SMYD3: variants seen among roughly 807,000 people sequenced by gnomAD.
SMYD3 encodes SET and MYND domain containing 3.
Under a neutral mutation model 57.7 loss-of-function variants are expected in SMYD3, and 36 were observed. The ratio of observed to expected loss-of-function variants is 0.62; its 90% CI spans 0.48 to 0.82. SMYD3 has a LOEUF of 0.82. Among genes scored for constraint, SMYD3 ranks in the 40% least tolerant of loss-of-function variants. The pLI, the probability that SMYD3 is intolerant of heterozygous loss-of-function variation, is 0.00. For missense variants in SMYD3, 515 were observed against 538.8 expected (o/e 0.96, Z 0.44); for synonymous variants, 211 against 195.0 (o/e 1.08, Z -0.68).
At chr1:245,804,796 C>T (rs1212365148) in intron 10 of SMYD3, among the ~76,000 whole-genome samples, 3 of 152,160 alleles carry the variant, frequency 2.0e-5, no homozygotes, top group South Asian at 2.1e-4. Flanking sequence ...GAAGTTGGAG[C>T]GAGCAGCCCT....
At chr1:246,353,773 A>C (rs35903900) in intron 2 of SMYD3, among the ~76,000 whole-genome samples, 21,931 of 152,130 alleles carry the variant, frequency 0.14, 2,148 homozygotes, top group East Asian at 0.42. Flanking sequence ...CCTAATTCTC[A>C]CAAGACTCTT....
intron 8 of SMYD3, among the ~76,000 whole-genome samples, chr1:245,889,976 C>G (rs1426482930): frequency 6.6e-6 from 1 of 152,102 alleles, no homozygotes; most frequent in Non-Finnish European, 1.5e-5. Context: ...GTGCCAAGAA[C>G]ATACACTGGG....
At chr1:246,485,355 G>T (rs1338426404) in intron 1 of SMYD3, among the ~76,000 whole-genome samples, 1 of 152,158 alleles carries the variant, frequency 6.6e-6, no homozygotes, top group Non-Finnish European at 1.5e-5. Flanking sequence ...GAGTTTTATA[G>T]ATAAAATCCT....
At chr1:246,397,565 A>G (rs1431938339) in intron 1 of SMYD3, among the ~76,000 whole-genome samples, 1 of 152,194 alleles carries the variant, frequency 6.6e-6, no homozygotes, top group African/African-American at 2.4e-5. Flanking sequence ...GCCCTCAAGA[A>G]GTGAATGGTC....
intron 10 of SMYD3, among the ~76,000 whole-genome samples, chr1:245,838,132 T>G (rs2050192389): frequency 6.6e-6 from 1 of 152,250 alleles, no homozygotes; most frequent in African/African-American, 2.4e-5. Flanking sequence ...AAAGATGCAG[T>G]ATTTCTTTTG....
In SMYD3 at chr1:245,956,255, T is replaced by C. The variant is rs143406768; in HGVS notation, c.532-26318A>G. On this transcript the variant is annotated intron_variant, in intron 5 of 11. Coordinates refer to ENST00000490107, the MANE Select transcript of SMYD3 (RefSeq NM_001167740.2). ...CTATACTAGCACCTACTAATGTATATGGCACATAGTATACTCTCTACAATA... is the reference window on the plus strand; with the variant it reads ...CTATACTAGCACCTACTAATGTATACGGCACATAGTATACTCTCTACAATA... 3.0e-3 allele frequency among the ~76,000 whole-genome samples: 454 copies of C among 152,336 alleles called. 3 individuals carry two copies. Among genetic ancestry groups the C allele is most frequent in the Non-Finnish European group, 4.8e-3 (328 of 68,034 alleles).
At chr1:246,225,614 C>T (rs528471225) in intron 5 of SMYD3, among the ~76,000 whole-genome samples, 8 of 151,980 alleles carry the variant, frequency 5.3e-5, no homozygotes, top group South Asian at 2.1e-4. Context: ...ACAGAAGTTA[C>T]GGAAAGACAG....
chr1:245,972,871 T>G (rs2058335762), intron 5 of SMYD3, among the ~76,000 whole-genome samples: 1 of 152,230 alleles, frequency 6.6e-6, no homozygotes, highest in East Asian at 1.9e-4. Flanking sequence ...GAAAAAGAAA[T>G]AAATGTCTAT....
At chr1:245,923,061 A>G (rs1450994402) in intron 7 of SMYD3, among the ~76,000 whole-genome samples, 2 of 152,302 alleles carry the variant, frequency 1.3e-5, no homozygotes, top group South Asian at 2.1e-4. Context: ...AGTGAATGAA[A>G]GGCAAAGGAA....
chr1:246,204,442 G>C (rs1274022695), intron 5 of SMYD3, among the ~76,000 whole-genome samples: 1 of 152,200 alleles, frequency 6.6e-6, no homozygotes, highest in Non-Finnish European at 1.5e-5. Context: ...GCTGAGCACT[G>C]TGTCCAGCAT....
At chr1:246,080,640 T>G (rs907659291) in intron 5 of SMYD3, among the ~76,000 whole-genome samples, 1 of 152,106 alleles carries the variant, frequency 6.6e-6, no homozygotes, top group East Asian at 1.9e-4. Flanking sequence ...AAAAGAAAGA[T>G]TACCAAGGAC....
intron 5 of SMYD3, among the ~76,000 whole-genome samples, chr1:245,958,458 T>C (rs1161533008): frequency 6.6e-6 from 1 of 152,160 alleles, no homozygotes; most frequent in Non-Finnish European, 1.5e-5. Flanking sequence ...GAATGTACTT[T>C]CCACAGGCTC....
chr1:245,872,299 T>C lies in SMYD3; in HGVS notation c.814-8413A>G, dbSNP rs75434485. The stretch of plus-strand genomic sequence containing the variant: ...AAGCAGGATGTAGCAGGGCTCTGAA[T>C]TGTGAGTCCAAGCAGCTGCTTGCAT... On this transcript the variant is annotated intron_variant, in intron 8 of 11. Coordinates refer to ENST00000490107, the MANE Select transcript of SMYD3 (RefSeq NM_001167740.2). Among the ~76,000 whole-genome samples the C allele has an allele frequency of 1.9e-3, 290 of 152,106 alleles. 10 individuals carry two copies. The East Asian group carries it at 0.046, about 24-fold the overall frequency.
chr1:246,083,952 G>A (rs1052315975), intron 5 of SMYD3, among the ~76,000 whole-genome samples: 3 of 151,900 alleles, frequency 2.0e-5, no homozygotes, highest in Non-Finnish European at 2.9e-5. Flanking sequence ...ATGTCAAAAG[G>A]TTACCTTTAT....
At chr1:245,930,055 G>C (rs1397428655) in intron 5 of SMYD3, 118 bp from the exon 6 acceptor site, 1 of 778,620 alleles carries the variant, frequency 1.3e-6, no homozygotes, top group East Asian at 2.7e-5. Context: ...GCTTAAGAAA[G>C]AGCCAAGCCA....
At chr1:245,838,546 T>C (rs940147518) in intron 10 of SMYD3, among the ~76,000 whole-genome samples, 1 of 152,228 alleles carries the variant, frequency 6.6e-6, no homozygotes. Flanking sequence ...TATATCTAGA[T>C]ACATGTAGGT....
At chr1:246,085,683 C>T (rs1283992581) in intron 5 of SMYD3, among the ~76,000 whole-genome samples, 1 of 152,170 alleles carries the variant, frequency 6.6e-6, no homozygotes, top group Non-Finnish European at 1.5e-5. Context: ...TACTATGAAA[C>T]AAGCTCACGT....
intron 5 of SMYD3, among the ~76,000 whole-genome samples, chr1:246,300,659 G>C (rs1424467093): frequency 6.6e-6 from 1 of 152,056 alleles, no homozygotes; most frequent in Non-Finnish European, 1.5e-5. Flanking sequence ...CTAGCTATGT[G>C]GCTCTGGGCA....
intron 10 of SMYD3, among the ~76,000 whole-genome samples, chr1:245,823,179 C>T (rs1558388698): frequency 1.3e-5 from 2 of 152,158 alleles, no homozygotes; most frequent in Non-Finnish European, 2.9e-5. Flanking sequence ...AGGAATGTGA[C>T]CAGTAACAGG....
Sources: allele counts gnomAD v4.1 joint callset (sites outside exome capture counted in the v4.1 genomes callset), GRCh38; gene constraint gnomAD v4.1.1; transcripts MANE v1.5; gene names NCBI Gene and HGNC (gene_info 2026-07-23, HGNC 2026-07-21).